The following DPP6 variants were observed in gnomAD, a reference collection of about 807,000 sequenced individuals.
The protein encoded by DPP6 is dipeptidyl peptidase like 6, also known as A-type potassium channel modulatory protein DPP6.
DPP6 carries 69 observed loss-of-function variants against 122.6 expected under a neutral mutation model. That is an observed-to-expected ratio of 0.56 (90% CI 0.46 to 0.69). The LOEUF is 0.69. Ranked by LOEUF, DPP6 falls within the 30% of genes least tolerant of loss-of-function variation. DPP6 has a pLI of 0.00. For missense variants in DPP6, 928 were observed against 1,116.9 expected, an observed-to-expected ratio of 0.83 and a Z score of 2.41; for synonymous variants, 418 against 433.1, an observed-to-expected ratio of 0.97 and a Z score of 0.43.
At chr7:154,762,524 G>A (rs556724262) in intron 8 of DPP6, among the ~76,000 whole-genome samples, 10 of 152,338 alleles carry the variant, frequency 6.6e-5, no homozygotes, top group Admixed American at 3.3e-4. Flanking sequence ...TGTGCCCCAC[G>A]GCCTTCCGCA....
chr7:154,327,849 G>A (rs1450621026), intron 1 of DPP6, among the ~76,000 whole-genome samples: 2 of 152,156 alleles, frequency 1.3e-5, no homozygotes, highest in Non-Finnish European at 2.9e-5. Context: ...GATATTATAA[G>A]CCCTGTGATC....
intron 1 of DPP6, among the ~76,000 whole-genome samples, chr7:154,420,867 T>C (rs1172902397): frequency 1.3e-5 from 2 of 152,272 alleles, no homozygotes; most frequent in East Asian, 3.9e-4. Flanking sequence ...GCAAAATGAG[T>C]AAGTTCTACA....
At chr7:154,422,697 G>GTGGGTGGGCAGATGGA in intron 1 of DPP6, among the ~76,000 whole-genome samples, 1 of 31,940 alleles carries the variant, frequency 3.1e-5, no homozygotes, top group African/African-American at 1.0e-4. Flanking sequence ...TGGATGGTGA[G>GTGGGTGGGCAGATGGA]TGGGTGGGTA....
At chr7:154,678,131 A>G (rs1415068666) in intron 7 of DPP6, among the ~76,000 whole-genome samples, 1 of 152,158 alleles carries the variant, frequency 6.6e-6, no homozygotes, top group Non-Finnish European at 1.5e-5. Context: ...AAACACACCA[A>G]TCAGCACTCT....
At chr7:154,348,489 A>G (rs11977921) in intron 1 of DPP6, among the ~76,000 whole-genome samples, 10,776 of 152,258 alleles carry the variant, frequency 0.071, 1,162 homozygotes, top group African/African-American at 0.24. Flanking sequence ...AAAATAGAAC[A>G]TAAGTGGTGA....
chr7:154,696,932 C>T (rs931436622), intron 7 of DPP6, among the ~76,000 whole-genome samples: 6 of 150,662 alleles, frequency 4.0e-5, no homozygotes, highest in Admixed American at 1.3e-4. Context: ...CAGGAAAATG[C>T]GACAGTGAGA....
chr7:154,064,288 C>T (rs1468185887), intron 1 of DPP6, among the ~76,000 whole-genome samples: 1 of 152,132 alleles, frequency 6.6e-6, no homozygotes, highest in African/African-American at 2.4e-5. Context: ...AGAGCTCTTC[C>T]CTGCTACACT....
chr7:154,131,112 CT>C (rs1795258958), intron 1 of DPP6, among the ~76,000 whole-genome samples: 1 of 152,066 alleles, frequency 6.6e-6, no homozygotes, highest in Non-Finnish European at 1.5e-5. Flanking sequence ...TAGATCTCTG[CT>C]TTCCACAAGT....
chr7:154,513,481 T>G (rs1826242293), intron 3 of DPP6, among the ~76,000 whole-genome samples: 1 of 152,146 alleles, frequency 6.6e-6, no homozygotes, highest in South Asian at 2.1e-4. Flanking sequence ...ACAAGAAGAT[T>G]TTGGATAAGT....
intron 1 of DPP6, among the ~76,000 whole-genome samples, chr7:154,208,325 C>T (rs1467078324): frequency 2.0e-5 from 3 of 152,158 alleles, no homozygotes; most frequent in Non-Finnish European, 4.4e-5. Flanking sequence ...ATTTCCTTGG[C>T]CAAAAATAGA....
At chr7:154,348,181 C>G (rs969367405) in intron 1 of DPP6, among the ~76,000 whole-genome samples, 1 of 151,290 alleles carries the variant, frequency 6.6e-6, no homozygotes, top group Admixed American at 6.6e-5. Flanking sequence ...ATGAAATCAT[C>G]CTCTTTTCTG....
chr7:154,169,194 C>T (rs1337535594), intron 1 of DPP6, among the ~76,000 whole-genome samples: 2 of 152,156 alleles, frequency 1.3e-5, no homozygotes, highest in African/African-American at 4.8e-5. Flanking sequence ...TTCCTCTCTT[C>T]CAGCTTCAGT....
At chr7:154,776,133 G>A (rs1204786126) in intron 10 of DPP6, among the ~76,000 whole-genome samples, 1 of 151,602 alleles carries the variant, frequency 6.6e-6, no homozygotes, top group African/African-American at 2.4e-5. Context: ...GACATCTAGT[G>A]GCTTCTATTT....
chr7:154,479,453 G>A (rs1823040347), intron 3 of DPP6, among the ~76,000 whole-genome samples: 1 of 151,388 alleles, frequency 6.6e-6, no homozygotes, highest in African/African-American at 2.4e-5. Context: ...AGCTACTCGG[G>A]AGGCTAAGGC....
chr7:154,831,362 GATGTA>G (rs1800615298), intron 16 of DPP6, among the ~76,000 whole-genome samples: 1 of 152,204 alleles, frequency 6.6e-6, no homozygotes, highest in Non-Finnish European at 1.5e-5. Flanking sequence ...AGGGGCCACT[GATGTA>G]GGGTTACCTA....
chr7:154,187,671 G>A (rs1798415525), intron 1 of DPP6, among the ~76,000 whole-genome samples: 1 of 152,170 alleles, frequency 6.6e-6, no homozygotes, highest in South Asian at 2.1e-4. Flanking sequence ...TGAACAGGAT[G>A]TAAGAAATCC....
At chr7:154,806,500 T>C (rs911393230) in intron 15 of DPP6, among the ~76,000 whole-genome samples, 6 of 152,216 alleles carry the variant, frequency 3.9e-5, no homozygotes, top group Admixed American at 3.9e-4. Flanking sequence ...ATGTGGCTTT[T>C]GGAAGCTGCC....
Position 154,620,458 on chromosome 7 carries a change from A to C in DPP6, c.628-17363A>C, listed in dbSNP as rs562420791. 1.8e-4 allele frequency among the ~76,000 whole-genome samples: 27 copies of C among 152,376 alleles called. No homozygotes were observed. In the South Asian group the frequency reaches 5.6e-3, roughly 32 times the overall value. Reference sequence around the variant, plus strand: ...TTCTCAAATGTTTTTGGAACTGTCAAAACCAGAGGATATATTTAGAGGCCT... The same window carrying C: ...TTCTCAAATGTTTTTGGAACTGTCACAACCAGAGGATATATTTAGAGGCCT... On this transcript the variant is annotated intron_variant, in intron 5 of 25. Coordinates refer to ENST00000377770, the MANE Select transcript of DPP6 (RefSeq NM_130797.4).
chr7:154,665,560 G>A (rs1044216820), intron 6 of DPP6, among the ~76,000 whole-genome samples: 1 of 151,872 alleles, frequency 6.6e-6, no homozygotes, highest in African/African-American at 2.4e-5. Flanking sequence ...CCCTGCCCCA[G>A]CCCAGATACA....
Sources: gnomAD v4.1 joint callset for allele counts (sites outside exome capture counted in the v4.1 genomes callset) on GRCh38, gnomAD v4.1.1 for gene constraint, MANE v1.5 for transcripts, NCBI Gene and HGNC (gene_info 2026-07-23, HGNC 2026-07-21) for gene names.